IGF2BP3: variants seen among roughly 807,000 people sequenced by gnomAD.
The protein encoded by IGF2BP3 is insulin like growth factor 2 mRNA binding protein 3.
In IGF2BP3, 9 loss-of-function variants were observed where a neutral mutation model predicts 73.8. That is an observed-to-expected ratio of 0.12 (90% CI 0.07 to 0.21). IGF2BP3 has a LOEUF of 0.21. Among genes scored for constraint, IGF2BP3 ranks in the 10% least tolerant of loss-of-function variants. The pLI, the probability that IGF2BP3 is intolerant of heterozygous loss-of-function variation, is 1.00. For synonymous variants in IGF2BP3, 258 were observed against 256.7 expected, an observed-to-expected ratio of 1.01 and a Z score of -0.05; for missense variants, 542 against 714.0, an observed-to-expected ratio of 0.76 and a Z score of 2.75.
intron 3 of IGF2BP3, among the ~76,000 whole-genome samples, chr7:23,390,541 G>T (rs906460158): frequency 5.9e-5 from 9 of 152,162 alleles, no homozygotes; most frequent in African/African-American, 2.2e-4. Context: ...TAGCTGGTGG[G>T]AAGATTCAGA....
chr7:23,455,730 G>C (rs1314907175), intron 2 of IGF2BP3, among the ~76,000 whole-genome samples: 1 of 152,172 alleles, frequency 6.6e-6, no homozygotes, highest in Non-Finnish European at 1.5e-5. Flanking sequence ...CTGTTGCCCA[G>C]GCTGGAGTGC....
At chr7:23,321,708 G>A (rs1784157273) in intron 10 of IGF2BP3, among the ~76,000 whole-genome samples, 1 of 152,202 alleles carries the variant, frequency 6.6e-6, no homozygotes. Context: ...GGTTCTCCCA[G>A]CACACAGCTA....
intron 2 of IGF2BP3, among the ~76,000 whole-genome samples, chr7:23,428,328 C>T (rs931784674): frequency 2.0e-5 from 3 of 151,592 alleles, no homozygotes; most frequent in Admixed American, 1.3e-4. Flanking sequence ...AAAAATTAGC[C>T]GAGCATGGTG....
chr7:23,321,257 C>G (rs533509616), intron 10 of IGF2BP3, among the ~76,000 whole-genome samples: 1 of 149,666 alleles, frequency 6.7e-6, no homozygotes, highest in Non-Finnish European at 1.5e-5. Flanking sequence ...TTGCCTCACT[C>G]GGGAAGCGCA....
At chr7:23,343,874 G>T in intron 8 of IGF2BP3, 21 bp from the exon 9 acceptor site, 1 of 1,600,604 alleles carries the variant, frequency 6.2e-7, no homozygotes. Context: ...AAAAAGAAGG[G>T]AAAGAAAAAG....
chr7:23,470,304 T>C lies in IGF2BP3; in HGVS notation c.-194A>G, dbSNP rs918668796. On this transcript the variant is annotated 5_prime_UTR_variant, in exon 1 of 15. Coordinates refer to ENST00000258729, the MANE Select transcript of IGF2BP3 (RefSeq NM_006547.3). ...GAGGCTTGTTTTTTCCTTGTCTAGA[T>C]GTGTTTTAAAAGAGAAAGAAAAGAA... The C allele has an allele frequency of 4.3e-6, 2 of 462,040 alleles. No homozygotes were observed. The highest frequency in any genetic ancestry group is 7.1e-5 in the East Asian group (2 of 28,260). 28.6% of individuals were successfully genotyped at this position (462,040 alleles called of 1,614,324 possible).
chr7:23,455,252 C>T (rs1275553618), intron 2 of IGF2BP3, among the ~76,000 whole-genome samples: 2 of 152,168 alleles, frequency 1.3e-5, no homozygotes, highest in Non-Finnish European at 2.9e-5. Flanking sequence ...CTGCCCTCTC[C>T]GCTCAGCCTC....
intron 10 of IGF2BP3, among the ~76,000 whole-genome samples, chr7:23,322,590 G>A (rs1016672773): frequency 4.7e-4 from 72 of 152,078 alleles, no homozygotes; most frequent in Non-Finnish European, 7.6e-4. Flanking sequence ...GATACTCCTC[G>A]AGAAGAGCAA....
At chr7:23,384,828 T>G (rs111435868) in intron 3 of IGF2BP3, among the ~76,000 whole-genome samples, 5,622 of 152,154 alleles carry the variant, frequency 0.037, 338 homozygotes, top group African/African-American at 0.13. Context: ...GAGGCAAAGG[T>G]TGTAGTGAGC....
intron 3 of IGF2BP3, among the ~76,000 whole-genome samples, chr7:23,407,609 C>CAAAA (rs569308741): frequency 2.2e-5 from 2 of 89,634 alleles, no homozygotes; most frequent in Non-Finnish European, 2.3e-5. Context: ...ACTCTGTCTC[C>CAAAA]AAAAAAAAAA....
chr7:23,345,861 T>C (rs567465877), intron 8 of IGF2BP3, 79 bp downstream of exon 8: 24 of 1,492,030 alleles, frequency 1.6e-5, no homozygotes, highest in Non-Finnish European at 2.2e-5. Context: ...AGCTGTAAAG[T>C]GGGAAGCTAA....
chr7:23,420,556 CA>C (rs1787316878), intron 2 of IGF2BP3, among the ~76,000 whole-genome samples: 1 of 152,012 alleles, frequency 6.6e-6, no homozygotes, highest in South Asian at 2.1e-4. Context: ...CTTTCCAGGT[CA>C]AATAATCCAC....
chr7:23,456,616 A>T (rs528623372), intron 2 of IGF2BP3, among the ~76,000 whole-genome samples: 1 of 152,352 alleles, frequency 6.6e-6, no homozygotes, highest in South Asian at 2.1e-4. Flanking sequence ...TAGCACATCC[A>T]TGGTAGAAGA....
At chr7:23,321,142 G>C (rs940141913) in intron 10 of IGF2BP3, among the ~76,000 whole-genome samples, 1 of 146,556 alleles carries the variant, frequency 6.8e-6, no homozygotes, top group Non-Finnish European at 1.5e-5. Context: ...GGTGATTTCT[G>C]CATTTCCATC....
At chr7:23,345,839 G>C in intron 8 of IGF2BP3, 101 bp downstream of exon 8, 2 of 1,343,112 alleles carry the variant, frequency 1.5e-6, no homozygotes, top group African/African-American at 1.5e-5. Context: ...GGCAGCACAG[G>C]CTAGCTGAAG....
chr7:23,449,278 G>A (rs1788137549), intron 2 of IGF2BP3, among the ~76,000 whole-genome samples: 1 of 152,008 alleles, frequency 6.6e-6, no homozygotes, highest in Non-Finnish European at 1.5e-5. Flanking sequence ...AGCACTTTGG[G>A]AGACCGAGGC....
chr7:23,438,534 C>T, intron 2 of IGF2BP3, among the ~76,000 whole-genome samples: 1 of 128,554 alleles, frequency 7.8e-6, no homozygotes, highest in Admixed American at 7.5e-5. Context: ...AGTACACTAA[C>T]TGACAAAAGA....
intron 2 of IGF2BP3, among the ~76,000 whole-genome samples, chr7:23,444,250 T>C (rs887306114): frequency 1.3e-5 from 2 of 152,134 alleles, no homozygotes; most frequent in Non-Finnish European, 2.9e-5. Context: ...GAAAAATCTT[T>C]AACAAGTACA....
chr7:23,431,246 A>C (rs756280471), intron 2 of IGF2BP3: 1 of 152,220 alleles, frequency 6.6e-6, no homozygotes, highest in Non-Finnish European at 1.5e-5. Context: ...AATGAACTTT[A>C]CTAGTTGTTG....
Sources: gnomAD v4.1 joint callset for allele counts (sites outside exome capture counted in the v4.1 genomes callset) on GRCh38, gnomAD v4.1.1 for gene constraint, MANE v1.5 for transcripts, NCBI Gene and HGNC (gene_info 2026-07-23, HGNC 2026-07-21) for gene names.